Variants in RBFOX1 observed in about 807,000 individuals in gnomAD.
RBFOX1 encodes the protein RNA binding protein fox-1 homolog 1.
A neutral mutation model predicts 57.7 loss-of-function variants in RBFOX1; 8 were observed. The observed-to-expected ratio is 0.14, with a 90% CI of 0.08 to 0.25. RBFOX1 has a LOEUF of 0.25. Ranked by LOEUF, RBFOX1 falls within the 10% of genes least tolerant of loss-of-function variation. The pLI, the probability that RBFOX1 is intolerant of heterozygous loss-of-function variation, is 1.00. For synonymous variants in RBFOX1, 326 were observed against 222.4 expected, an observed-to-expected ratio of 1.47 and a Z score of -4.15; for missense variants, 611 against 548.5, an observed-to-expected ratio of 1.11 and a Z score of -1.14.
chr16:6,854,550 C>G (rs1389354882), intron 3 of RBFOX1, among the ~76,000 whole-genome samples: 1 of 150,042 alleles, frequency 6.7e-6, no homozygotes, highest in Non-Finnish European at 1.5e-5. Context: ...ATCTTCTGAA[C>G]CTCACGCATT....
At chr16:6,260,060 C>T (rs1170616341) in intron 1 of RBFOX1, among the ~76,000 whole-genome samples, 31 of 151,828 alleles carry the variant, frequency 2.0e-4, no homozygotes, top group Admixed American at 2.0e-3. Context: ...TGAGAAATGG[C>T]ATTTGAGTTT....
intron 2 of RBFOX1, among the ~76,000 whole-genome samples, chr16:6,557,044 T>TACATATATAC (rs1280000415): frequency 1.8e-4 from 23 of 127,152 alleles, no homozygotes; most frequent in African/African-American, 7.7e-4. Flanking sequence ...CACATATATA[T>TACATATATAC]ACATATATAT....
rs565784125 is a variant in RBFOX1 at position 5,249,363 on chromosome 16, C to G, written c.219+9258C>G. 2.0e-5 allele frequency among the ~76,000 whole-genome samples: 3 copies of G among 152,280 alleles called. No individual in the cohort carries two copies. In the South Asian group the frequency reaches 6.2e-4, roughly 32 times the overall value. On this transcript the variant is annotated intron_variant, in intron 1 of 2. Transcript: ENST00000585867. ...GACCGTCCTCCTGGAGGGGCCTGGC[C>G]GGGGCTTGTGTCCTTGCTAGTCTCT...
intron 4 of RBFOX1, among the ~76,000 whole-genome samples, chr16:7,065,754 A>T (rs1353199936): frequency 1.3e-5 from 2 of 152,140 alleles, no homozygotes; most frequent in Non-Finnish European, 2.9e-5. Context: ...TGATGAACTC[A>T]TTCCTCCTGT....
chr16:6,393,147 C>G (rs925640122), intron 2 of RBFOX1, among the ~76,000 whole-genome samples: 1 of 152,194 alleles, frequency 6.6e-6, no homozygotes, highest in Admixed American at 6.5e-5. Context: ...ATGCAGTTAG[C>G]TTTTTGACTA....
At chr16:6,566,514 A>G (rs1271319828) in intron 2 of RBFOX1, among the ~76,000 whole-genome samples, 4 of 152,100 alleles carry the variant, frequency 2.6e-5, no homozygotes, top group African/African-American at 9.7e-5. Flanking sequence ...ATGTGTAATG[A>G]ATATCTGGTT....
intron 4 of RBFOX1, among the ~76,000 whole-genome samples, chr16:7,290,276 G>A (rs563297785): frequency 2.6e-5 from 4 of 152,316 alleles, no homozygotes; most frequent in Admixed American, 2.6e-4. Context: ...AGTATGGATA[G>A]ATAATATTGT....
At chr16:6,863,724 G>GTTTTTTT (rs2059410258) in intron 3 of RBFOX1, among the ~76,000 whole-genome samples, 1 of 32,154 alleles carries the variant, frequency 3.1e-5, no homozygotes. Flanking sequence ...GGATGCCTGC[G>GTTTTTTT]CTTTTTTTTT....
chr16:5,565,329 GA>G (rs1354910742), intron 2 of RBFOX1, among the ~76,000 whole-genome samples: 1 of 152,126 alleles, frequency 6.6e-6, no homozygotes, highest in Admixed American at 6.5e-5. Context: ...CACTACATTA[GA>G]ATTTGCAAGT....
chr16:5,287,647 G>C (rs1165677231), intron 1 of RBFOX1, among the ~76,000 whole-genome samples: 2 of 152,122 alleles, frequency 1.3e-5, no homozygotes, highest in African/African-American at 2.4e-5. Flanking sequence ...CTTTGCTCTT[G>C]GTGTCTCTTA....
In RBFOX1 at chr16:6,191,145, T is replaced by C. The variant is rs1037588813; in HGVS notation, c.-126-125850T>C. Among the ~76,000 whole-genome samples, 11 of 141,092 alleles carry C rather than the reference T, an allele frequency of 7.8e-5. No homozygotes were observed. The East Asian group carries it at 2.2e-3, about 28-fold the overall frequency. The allele number at this position is 141,092 out of a possible 152,430, so 92.6% of individuals were successfully genotyped here. On this transcript the variant is annotated intron_variant, in intron 1 of 15. Transcript: ENST00000550418. ...GCGTCTGTGGTTTTTTTTTTTTTTT[T>C]TCTTCATCTGATACAGGCATGAGTT...
At chr16:7,166,105 C>T (rs918456767) in intron 4 of RBFOX1, among the ~76,000 whole-genome samples, 8 of 152,184 alleles carry the variant, frequency 5.3e-5, no homozygotes, top group South Asian at 4.2e-4. Context: ...CTTCTGCCTC[C>T]GGGATTCAAG....
intron 4 of RBFOX1, among the ~76,000 whole-genome samples, chr16:5,989,014 A>G (rs1567226083): frequency 6.6e-6 from 1 of 152,024 alleles, no homozygotes; most frequent in Non-Finnish European, 1.5e-5. Context: ...TTTTCTTTAA[A>G]TGGTAAGATA....
intron 4 of RBFOX1, among the ~76,000 whole-genome samples, chr16:7,240,182 G>A (rs1037756688): frequency 6.6e-6 from 1 of 152,058 alleles, no homozygotes; most frequent in Non-Finnish European, 1.5e-5. Context: ...GGCCAAGCTG[G>A]TCTTGAACTC....
At chr16:6,956,661 C>T (rs1168468253) in intron 3 of RBFOX1, among the ~76,000 whole-genome samples, 1 of 152,298 alleles carries the variant, frequency 6.6e-6, no homozygotes, top group Admixed American at 6.5e-5. Flanking sequence ...GCTGATGTTG[C>T]TCCAGTTATC....
intron 2 of RBFOX1, among the ~76,000 whole-genome samples, chr16:6,599,973 T>A (rs1260830012): frequency 6.6e-6 from 1 of 152,106 alleles, no homozygotes; most frequent in Non-Finnish European, 1.5e-5. Flanking sequence ...CACAGTAAGG[T>A]ATGCAACATG....
chr16:6,860,482 T>TG (rs1295409955), intron 3 of RBFOX1, among the ~76,000 whole-genome samples: 2 of 152,214 alleles, frequency 1.3e-5, no homozygotes, highest in African/African-American at 4.8e-5. Flanking sequence ...AGTATATTGA[T>TG]GCACCTGCTT....
chr16:7,040,992 T>C (rs1220794671), intron 3 of RBFOX1, among the ~76,000 whole-genome samples: 1 of 151,834 alleles, frequency 6.6e-6, no homozygotes, highest in Non-Finnish European at 1.5e-5. Flanking sequence ...CTCTGCTCAT[T>C]GCAACGTCCA....
At chr16:7,520,593 G>T (rs1203146111) in intron 5 of RBFOX1, among the ~76,000 whole-genome samples, 1 of 152,144 alleles carries the variant, frequency 6.6e-6, no homozygotes, top group Non-Finnish European at 1.5e-5. Flanking sequence ...ATGGATATTT[G>T]GGTTGTCTCC....
Sources: gnomAD v4.1 joint callset for allele counts (sites outside exome capture counted in the v4.1 genomes callset) on GRCh38, gnomAD v4.1.1 for gene constraint, MANE v1.5 for transcripts, NCBI Gene and HGNC (gene_info 2026-07-23, HGNC 2026-07-21) for gene names.